Variants in B4GALT1 observed in about 807,000 individuals in gnomAD.
B4GALT1 encodes the protein N-acetyllactosamine synthase.
In B4GALT1, 16 loss-of-function variants were observed where a neutral mutation model predicts 34.9. That is an observed-to-expected ratio of 0.46 (90% CI 0.31 to 0.70). B4GALT1 has a LOEUF of 0.70. Among genes scored for constraint, B4GALT1 ranks in the 30% least tolerant of loss-of-function variants. The pLI, the probability that B4GALT1 is intolerant of heterozygous loss-of-function variation, is 0.05. For missense variants in B4GALT1, 445 were observed against 530.5 expected, an observed-to-expected ratio of 0.84 and a Z score of 1.58; for synonymous variants, 221 against 218.1, an observed-to-expected ratio of 1.01 and a Z score of -0.12.
intron 2 of B4GALT1, among the ~76,000 whole-genome samples, chr9:33,130,632 T>C (rs1231335648): frequency 1.3e-5 from 2 of 151,096 alleles, no homozygotes; most frequent in African/African-American, 2.4e-5. Flanking sequence ...CAGCTTACTA[T>C]AGACAGAGTA....
the B4GALT1 span, among the ~76,000 whole-genome samples, chr9:33,176,922 T>A: frequency 8.5e-5 from 13 of 152,288 alleles, no homozygotes; most frequent in South Asian, 2.7e-3. Context: ...ATATAACATT[T>A]GAGAAACGGC....
intron 2 of B4GALT1, among the ~76,000 whole-genome samples, chr9:33,122,569 C>A (rs576779459): frequency 6.6e-6 from 1 of 152,034 alleles, no homozygotes. Flanking sequence ...CAAAAGGCTG[C>A]CTGTGTGCGT....
downstream of B4GALT1, among the ~76,000 whole-genome samples, chr9:33,109,706 C>CT (rs1839832539): frequency 6.6e-6 from 1 of 152,206 alleles, no homozygotes; most frequent in South Asian, 2.1e-4. Flanking sequence ...TGGAGGCAGT[C>CT]TTGTGAGACT....
chr9:33,125,211 G>C (rs1372780041), intron 2 of B4GALT1, among the ~76,000 whole-genome samples: 2 of 152,212 alleles, frequency 1.3e-5, no homozygotes, highest in African/African-American at 4.8e-5. Context: ...GCGGTGCTGG[G>C]AGAGAAGGCA....
intron 1 of B4GALT1, among the ~76,000 whole-genome samples, chr9:33,146,266 G>A (rs1352670423): frequency 6.6e-6 from 1 of 152,212 alleles, no homozygotes; most frequent in Non-Finnish European, 1.5e-5. Context: ...CCTGCCCACA[G>A]ATATCACTAC....
intron 1 of B4GALT1, among the ~76,000 whole-genome samples, chr9:33,147,708 G>C (rs560309830): frequency 6.6e-6 from 1 of 152,190 alleles, no homozygotes; most frequent in South Asian, 2.1e-4. Flanking sequence ...GCTGGTGAGA[G>C]ACTGCACAAA....
chr9:33,160,831 C>T (rs1371191004), intron 1 of B4GALT1, among the ~76,000 whole-genome samples: 2 of 152,036 alleles, frequency 1.3e-5, no homozygotes, highest in Non-Finnish European at 2.9e-5. Context: ...GGAAATATGC[C>T]GGTATGTTTC....
chr9:33,125,994 G>A (rs1051663904), intron 2 of B4GALT1, among the ~76,000 whole-genome samples: 6 of 152,070 alleles, frequency 3.9e-5, no homozygotes, highest in Non-Finnish European at 5.9e-5. Flanking sequence ...GCCAAGACTC[G>A]CAATGAGTCA....
chr9:33,183,855 A>T, the B4GALT1 span, among the ~76,000 whole-genome samples: 1 of 152,210 alleles, frequency 6.6e-6, no homozygotes, highest in Non-Finnish European at 1.5e-5. Flanking sequence ...GGATGAGTTC[A>T]TGTCCTTTGC....
chr9:33,135,508 G>A, intron 1 of B4GALT1, 84 bp from the exon 2 acceptor site: 1 of 1,336,508 alleles, frequency 7.5e-7, no homozygotes, highest in Non-Finnish European at 1.1e-6. Flanking sequence ...CCAGGCTGCA[G>A]CTGCAGCTGC....
intron 1 of B4GALT1, among the ~76,000 whole-genome samples, chr9:33,159,664 A>C (rs1220926311): frequency 1.3e-5 from 2 of 152,322 alleles, no homozygotes; most frequent in East Asian, 3.9e-4. Flanking sequence ...TAGAAACCTA[A>C]AGTTTCTCAC....
chr9:33,126,767 G>A (rs544598679), intron 2 of B4GALT1, among the ~76,000 whole-genome samples: 2 of 150,412 alleles, frequency 1.3e-5, no homozygotes, highest in East Asian at 3.9e-4. Flanking sequence ...CCAGGCTATG[G>A]GAGTGGTTCT....
intron 1 of B4GALT1, among the ~76,000 whole-genome samples, chr9:33,153,767 T>C (rs556894175): frequency 6.6e-6 from 1 of 152,032 alleles, no homozygotes; most frequent in Non-Finnish European, 1.5e-5. Flanking sequence ...TGGTGAACGC[T>C]ACCAGATATT....
chr9:33,107,009 T>A (rs2117971146), downstream of B4GALT1, among the ~76,000 whole-genome samples: 1 of 152,266 alleles, frequency 6.6e-6, no homozygotes, highest in South Asian at 2.1e-4. Flanking sequence ...CTCTCTACTC[T>A]TGGTGACCCT....
chr9:33,118,467 G>T (rs1839972351), intron 3 of B4GALT1, among the ~76,000 whole-genome samples: 1 of 151,850 alleles, frequency 6.6e-6, no homozygotes, highest in South Asian at 2.1e-4. Flanking sequence ...TTCAAGACCA[G>T]CCTGGGTAAC....
At position 33,155,312 on chromosome 9, in the gene B4GALT1, C is replaced by T. The variant is rs1443495851; in HGVS notation, c.412+11446G>A. 2.0e-5 allele frequency among the ~76,000 whole-genome samples: 3 copies of T among 152,210 alleles called. No homozygotes were observed. In the East Asian group the frequency reaches 5.8e-4, roughly 29 times the overall value. ...GAGGTAGAATAAAGCAGGTTATCTA[C>T]AGGCTTGTGCTTTAGTTTTTCTACC... is the stretch of plus-strand genomic sequence containing the variant. On this transcript the variant is annotated intron_variant, in intron 1 of 5. Coordinates refer to ENST00000379731, the MANE Select transcript of B4GALT1 (RefSeq NM_001497.4).
chr9:33,141,466 G>A (rs770909579), intron 1 of B4GALT1, among the ~76,000 whole-genome samples: 30 of 152,244 alleles, frequency 2.0e-4, no homozygotes, highest in Admixed American at 7.8e-4. Flanking sequence ...GCAGTGAGCC[G>A]AAATCACGCC....
At chr9:33,177,346 G>A in the B4GALT1 span, 1 of 152,132 alleles carries the variant, frequency 6.6e-6, no homozygotes, top group South Asian at 2.1e-4. Context: ...CAAAGTCAAT[G>A]TTATATGTTT....
At chr9:33,177,727 C>T in the B4GALT1 span, among the ~76,000 whole-genome samples, 1 of 152,204 alleles carries the variant, frequency 6.6e-6, no homozygotes, top group African/African-American at 2.4e-5. Context: ...CAGTTATGTG[C>T]ATTAACCATT....
Sources: allele counts gnomAD v4.1 joint callset (sites outside exome capture counted in the v4.1 genomes callset), GRCh38; gene constraint gnomAD v4.1.1; transcripts MANE v1.5; gene names NCBI Gene and HGNC (gene_info 2026-07-23, HGNC 2026-07-21).